The following CHRAC1 variants were observed in gnomAD, a reference collection of about 807,000 sequenced individuals.
CHRAC1 encodes the protein chromatin accessibility complex protein 1.
CHRAC1 carries 6 observed loss-of-function variants against 9.1 expected under a neutral mutation model. That is an observed-to-expected ratio of 0.66 (90% confidence interval 0.36 to 1.29). The LOEUF (loss-of-function observed/expected upper bound fraction) is 1.29, where lower values mean the gene tolerates loss of function less well. Among genes scored for constraint, CHRAC1 ranks in the 50% most tolerant of loss-of-function variants. The pLI, the probability that CHRAC1 is intolerant of heterozygous loss-of-function variation, is 0.03. For missense variants in CHRAC1, 168 were observed against 163.5 expected (o/e 1.03, Z -0.15); for synonymous variants, 73 against 64.5 (o/e 1.13, Z -0.63).
chr8:140,512,493 A>T (rs185704267), intron 1 of CHRAC1, among the ~76,000 whole-genome samples: 14 of 152,300 alleles, frequency 9.2e-5, no homozygotes, highest in Admixed American at 3.9e-4. Flanking sequence ...GTCTTTTTTT[A>T]AAAAAATTGC....
rs752067928 is a variant in CHRAC1 at position 140,515,106 on chromosome 8, G to A, written c.275-20G>A. ...TAGTCTACCATAACCAATTGCTGAT[G>A]TACGCTTTATGTTTTTAAGATATAT... On this transcript the variant is annotated intron_variant, in intron 2 of 2. Transcript: ENST00000220913. 8.1e-6 allele frequency: 13 copies of A among 1,607,440 alleles called. No homozygotes were observed. In the African/African-American group the frequency reaches 1.5e-4, roughly 18 times the overall value.
chr8:140,514,574 G>A (rs560335846), intron 2 of CHRAC1, 79 bp downstream of exon 2: 4 of 1,250,938 alleles, frequency 3.2e-6, no homozygotes, highest in African/African-American at 1.6e-5. Context: ...CCTCCCTTCT[G>A]CTCTCACGGA....
At chr8:140,512,290 C>G (rs1421780376) in intron 1 of CHRAC1, among the ~76,000 whole-genome samples, 1 of 152,178 alleles carries the variant, frequency 6.6e-6, no homozygotes, top group African/African-American at 2.4e-5. Flanking sequence ...GCTTCACCCG[C>G]GACTCGAGGC....
chr8:140,511,678 C>CT (rs1347806399), intron 1 of CHRAC1, 32 bp downstream of exon 1: 1 of 1,315,634 alleles, frequency 7.6e-7, no homozygotes, highest in East Asian at 3.0e-5. Flanking sequence ...GTGGGCCGCC[C>CT]TTACCCCTCG....
chr8:140,511,461 G>C lies in CHRAC1; in HGVS notation c.-39G>C. On this transcript the variant is annotated 5_prime_UTR_variant, in exon 1 of 3. Transcript: ENST00000220913. ...GGGCAGGGCAGCCACTTCGCGGTCG[G>C]GCCCGCCGGCTGCGGGCACCCGCGC... 7.7e-7 allele frequency: 1 copy of C among 1,306,476 alleles called. No individual in the cohort carries two copies. The highest frequency in any genetic ancestry group is 2.2e-5 in the South Asian group (1 of 45,652). 80.9% of individuals were successfully genotyped at this position (1,306,476 alleles called of 1,614,324 possible).
chr8:140,511,584 A>T lies in CHRAC1; in HGVS notation c.85A>T (p.Lys29Ter). The T allele has an allele frequency of 6.7e-7, 1 of 1,490,346 alleles. No homozygotes were observed. 92.3% of individuals were successfully genotyped at this position (1,490,346 alleles called of 1,614,324 possible). A position where few individuals can be genotyped will look rare whatever the true frequency, so the allele number is the denominator to read the frequency against. ...TCTATCCCGCATCCGGGTCATCATG[A>T]AGAGCTCCCCCGAGGTGTCCAGCAT... ...LPLSRIRVIMKSSPEVSSINQ... is the reference protein window; with the variant it reads ...LPLSRIRVIM The change falls in exon 1 of 3, where the codon AAG becomes TAG. Residue 29 changes from lysine (K) to a stop codon, truncating the protein, a stop_gained. Coordinates refer to ENST00000220913, the MANE Select transcript of CHRAC1 (RefSeq NM_017444.6). LOFTEE classifies it high-confidence loss of function.
rs1276834601 is a variant in CHRAC1 at position 140,515,511 on chromosome 8, G to C, written c.*264G>C. The C allele has an allele frequency of 3.6e-6, 1 of 277,334 alleles. No individual in the cohort carries two copies. Among genetic ancestry groups the C allele is most frequent in the Non-Finnish European group, 6.7e-6 (1 of 148,946 alleles). The allele number at this position is 277,334 out of a possible 1,614,324, so 17.2% of individuals were successfully genotyped here. ...CAGCTCAGGCACCAAGAAAACAGCC[G>C]ATACTGGCAGCCATTGCAGCTCCAA... On this transcript the variant is annotated 3_prime_UTR_variant, in exon 3 of 3. Coordinates refer to ENST00000220913, the MANE Select transcript of CHRAC1 (RefSeq NM_017444.6).
Position 140,515,330 on chromosome 8 carries a change from CT to C in CHRAC1, c.*87del. ...CTCTAAGTAAACACAGCACTGCCCG[CT>C]TTTAGCGTCTTCACTTCTTCACAGA... On this transcript the variant is annotated 3_prime_UTR_variant, in exon 3 of 3. Transcript: ENST00000220913. 1 of 1,370,260 alleles carries C rather than the reference CT, an allele frequency of 7.3e-7. No homozygotes were observed. The highest frequency in any genetic ancestry group is 1.0e-6 in the Non-Finnish European group (1 of 993,046). 84.9% of individuals were successfully genotyped at this position (1,370,260 alleles called of 1,614,324 possible). A position where few individuals can be genotyped will look rare whatever the true frequency, so the allele number is the denominator to read the frequency against.
intron 1 of CHRAC1, 170 bp downstream of exon 1, chr8:140,511,816 G>T (rs114497687): frequency 1.3e-6 from 1 of 772,310 alleles, no homozygotes; most frequent in Non-Finnish European, 2.0e-6. Flanking sequence ...CGGTGCCCGC[G>T]CGCCCCCACA....
At position 140,511,591 on chromosome 8, in the gene CHRAC1, C is replaced by T. The variant is rs1245022441; in HGVS notation, c.92C>T (p.Ser31Phe). The T allele has an allele frequency of 6.7e-7, 1 of 1,490,374 alleles. No individual in the cohort carries two copies. Among genetic ancestry groups the T allele is most frequent in the South Asian group, 1.3e-5 (1 of 75,210 alleles). 92.3% of individuals were successfully genotyped at this position (1,490,374 alleles called of 1,614,324 possible). A position where few individuals can be genotyped will look rare whatever the true frequency, so the allele number is the denominator to read the frequency against. ...LSRIRVIMKSSPEVSSINQEA... is the reference protein window; with the variant it reads ...LSRIRVIMKSFPEVSSINQEA... Reference sequence around the variant, plus strand: ...CGCATCCGGGTCATCATGAAGAGCTCCCCCGAGGTGTCCAGCATCAACCAG... The same window carrying T: ...CGCATCCGGGTCATCATGAAGAGCTTCCCCGAGGTGTCCAGCATCAACCAG... The change falls in exon 1 of 3, where the codon TCC becomes TTC. Residue 31 changes from serine (S) to phenylalanine (F), a missense_variant. Coordinates refer to ENST00000220913, the MANE Select transcript of CHRAC1 (RefSeq NM_017444.6).
Position 140,516,268 on chromosome 8 carries a change from C to G in CHRAC1, c.*1021C>G, listed in dbSNP as rs1337781155. 1.3e-5 allele frequency: 2 copies of G among 152,118 alleles called. No individual in the cohort carries two copies. The highest frequency in any genetic ancestry group is 2.9e-5 in the Non-Finnish European group (2 of 68,070). The allele number at this position is 152,118 out of a possible 1,614,324, so 9.4% of individuals were successfully genotyped here. A position where few individuals can be genotyped will look rare whatever the true frequency, so the allele number is the denominator to read the frequency against. On this transcript the variant is annotated 3_prime_UTR_variant, in exon 3 of 3. Transcript: ENST00000220913. The stretch of plus-strand genomic sequence containing the variant: ...GTTCAAGTGATTCTCCTGCCTCATC[C>G]TCCTGAGTAGCTGGGATTACAGGCG...
At chr8:140,514,291 C>A in intron 1 of CHRAC1, 78 bp from the exon 2 acceptor site, 1 of 1,436,090 alleles carries the variant, frequency 7.0e-7, no homozygotes, top group Non-Finnish European at 9.4e-7. Context: ...AAGGAATCAA[C>A]AATGTAATTT....
chr8:140,512,090 G>T (rs2072282722), intron 1 of CHRAC1: 1 of 1,168,358 alleles, frequency 8.6e-7, no homozygotes, highest in African/African-American at 1.6e-5. Context: ...GTCCTCCCTC[G>T]CGTGCGGCGC....
Position 140,511,559 on chromosome 8 carries a change from T to C in CHRAC1, c.60T>C (p.Pro20=). The C allele has an allele frequency of 6.9e-7, 1 of 1,459,666 alleles. No homozygotes were observed. 90.4% of individuals were successfully genotyped at this position (1,459,666 alleles called of 1,614,324 possible). ...KGGEQRLISL[P]LSRIRVIMKS... ...GGGAGCAGCGGCTCATCTCGCTGCC[T>C]CTATCCCGCATCCGGGTCATCATGA... is the stretch of plus-strand genomic sequence containing the variant. The change falls in exon 1 of 3, where the codon CCT becomes CCC. Residue 20 remains proline (P), a synonymous_variant. Coordinates refer to ENST00000220913, the MANE Select transcript of CHRAC1 (RefSeq NM_017444.6).
At chr8:140,511,667 T>C in intron 1 of CHRAC1, 21 bp downstream of exon 1, 1 of 1,357,564 alleles carries the variant, frequency 7.4e-7, no homozygotes, top group Non-Finnish European at 9.5e-7. Context: ...AGGGCGGGGG[T>C]GTGGGCCGCC....
intron 2 of CHRAC1, 180 bp from the exon 3 acceptor site, chr8:140,514,946 C>CTA: frequency 1.7e-6 from 1 of 589,870 alleles, no homozygotes. Context: ...AGGCCTATAG[C>CTA]GTTCGTTAGG....
In CHRAC1 at chr8:140,511,358, C is replaced by G. The variant is rs2072269664; in HGVS notation, c.-142C>G. The G allele has an allele frequency of 4.3e-6, 3 of 692,518 alleles. No homozygotes were observed. Among genetic ancestry groups the G allele is most frequent in the African/African-American group, 3.7e-5 (2 of 53,586 alleles). 42.9% of individuals were successfully genotyped at this position (692,518 alleles called of 1,614,324 possible). ...CGTAGTTTCCCGGACGGGCCGCTCC[C>G]GGCCTCGCGGCCTCGCCTCCCCACA... On this transcript the variant is annotated 5_prime_UTR_variant, in exon 1 of 3. Transcript: ENST00000220913.
intron 2 of CHRAC1, 165 bp from the exon 3 acceptor site, chr8:140,514,961 A>G (rs2072318748): frequency 6.0e-6 from 4 of 670,596 alleles, no homozygotes; most frequent in South Asian, 5.6e-5. Context: ...GTTAGGAGAC[A>G]ATGCTAGTTT....
chr8:140,511,798 G>T, intron 1 of CHRAC1, 152 bp downstream of exon 1: 1 of 834,954 alleles, frequency 1.2e-6, no homozygotes. Flanking sequence ...CCACGCCGGC[G>T]CGCGCTTCGG....
Sources: allele counts gnomAD v4.1 joint callset (sites outside exome capture counted in the v4.1 genomes callset), GRCh38; gene constraint gnomAD v4.1.1; transcripts MANE v1.5; gene names NCBI Gene and HGNC (gene_info 2026-07-23, HGNC 2026-07-21).